The following NOSTRIN variants were observed in gnomAD, a reference collection of about 807,000 sequenced individuals.
NOSTRIN encodes the protein nitric oxide synthase trafficking.
Under a neutral mutation model 59.0 loss-of-function variants are expected in NOSTRIN, and 63 were observed. That is an observed-to-expected ratio of 1.07 (90% confidence interval 0.87 to 1.32). NOSTRIN has a LOEUF of 1.32. Among genes scored for constraint, NOSTRIN ranks in the 40% most tolerant of loss-of-function variants. The pLI is 0.00. For missense variants in NOSTRIN, 512 were observed against 473.1 expected, an observed-to-expected ratio of 1.08 and a Z score of -0.76; for synonymous variants, 200 against 165.4, an observed-to-expected ratio of 1.21 and a Z score of -1.61.
upstream of NOSTRIN, among the ~76,000 whole-genome samples, chr2:168,794,759 C>T (rs997163064): frequency 3.3e-5 from 5 of 152,012 alleles, no homozygotes; most frequent in African/African-American, 1.2e-4. Flanking sequence ...AAAAAATTAA[C>T]ATATACTTTT....
At chr2:168,790,759 A>G (rs1685326199) in intron 2 of NOSTRIN, among the ~76,000 whole-genome samples, 1 of 152,162 alleles carries the variant, frequency 6.6e-6, no homozygotes, top group Non-Finnish European at 1.5e-5. Flanking sequence ...GGTGGAACTC[A>G]GGGTTAGATA....
Position 168,864,992 on chromosome 2 carries a change from C to T in NOSTRIN, c.*22C>T. On this transcript the variant is annotated 3_prime_UTR_variant, in exon 16 of 16. Transcript: ENST00000317647. ...ATAAAACAAGACTCTGAACATACTA[C>T]CTTCACACTCGGTAATCAACAATAC... is the stretch of plus-strand genomic sequence containing the variant. 1 of 1,612,388 alleles carries T rather than the reference C, an allele frequency of 6.2e-7. No homozygotes were observed. Among genetic ancestry groups the T allele is most frequent in the Non-Finnish European group, 8.5e-7 (1 of 1,179,244 alleles).
At chr2:168,796,916 G>A (rs1215019509), upstream of NOSTRIN, among the ~76,000 whole-genome samples, 22 of 152,082 alleles carry the variant, frequency 1.4e-4, no homozygotes, top group Admixed American at 1.2e-3. Flanking sequence ...AGAAACTTGC[G>A]AATGAAGTCA....
In NOSTRIN at chr2:168,863,746, T is replaced by C; in HGVS notation, c.1385-1088T>C. On this transcript the variant is annotated intron_variant, in intron 15 of 15. Transcript: ENST00000317647. Reference sequence around the variant, plus strand: ...TGTCTTGATCTTAAGAAAAGACTGTTGGTGAGACATACTTATAGCAGCCAA... The same window carrying C: ...TGTCTTGATCTTAAGAAAAGACTGTCGGTGAGACATACTTATAGCAGCCAA... 9 of 750,454 alleles carry C rather than the reference T, an allele frequency of 1.2e-5. No homozygotes were observed. The South Asian group carries it at 5.5e-4, about 46-fold the overall frequency. The allele number at this position is 750,454 out of a possible 1,614,324, so 46.5% of individuals were successfully genotyped here.
At chr2:168,808,710 T>C (rs1350645799) in intron 1 of NOSTRIN, among the ~76,000 whole-genome samples, 1 of 152,216 alleles carries the variant, frequency 6.6e-6, no homozygotes. Context: ...AAATAAAATT[T>C]GAACAAATGC....
intron 7 of NOSTRIN, among the ~76,000 whole-genome samples, chr2:168,840,727 A>G (rs549223182): frequency 3.9e-5 from 6 of 152,116 alleles, no homozygotes; most frequent in Non-Finnish European, 7.3e-5. Context: ...AGTCCATTTT[A>G]ACAGCCTTTG....
chr2:168,848,932 G>A (rs1199360266), intron 8 of NOSTRIN, among the ~76,000 whole-genome samples: 2 of 152,146 alleles, frequency 1.3e-5, no homozygotes, highest in Non-Finnish European at 2.9e-5. Flanking sequence ...GGATAAAATG[G>A]CATGTCATAT....
intron 2 of NOSTRIN, chr2:168,818,229 C>A: frequency 2.3e-6 from 1 of 434,654 alleles, no homozygotes; most frequent in Non-Finnish European, 4.7e-6. Context: ...TTATAGCTTG[C>A]TGCAGCCTCA....
At chr2:168,804,213 C>A (rs1207743479) in intron 1 of NOSTRIN, among the ~76,000 whole-genome samples, 2 of 152,172 alleles carry the variant, frequency 1.3e-5, no homozygotes, top group African/African-American at 2.4e-5. Flanking sequence ...CCAAGGCAAC[C>A]CATAACCACA....
intron 7 of NOSTRIN, among the ~76,000 whole-genome samples, chr2:168,840,315 G>C (rs1290953030): frequency 1.3e-5 from 2 of 152,082 alleles, no homozygotes; most frequent in Non-Finnish European, 2.9e-5. Context: ...CGGATCACGA[G>C]GTCAGGAGAT....
At chr2:168,824,795 G>GTTTGTTTTTTA in intron 3 of NOSTRIN, 78 bp downstream of exon 3, 1 of 311,140 alleles carries the variant, frequency 3.2e-6, no homozygotes. Flanking sequence ...TTTGTTTTTT[G>GTTTGTTTTTTA]AGACAGGGTC....
intron 1 of NOSTRIN, among the ~76,000 whole-genome samples, chr2:168,804,293 A>G (rs943941259): frequency 6.6e-6 from 1 of 151,650 alleles, no homozygotes; most frequent in Non-Finnish European, 1.5e-5. Context: ...TGGGCCAAGG[A>G]CTCCTGTCCT....
intron 5 of NOSTRIN, among the ~76,000 whole-genome samples, chr2:168,830,449 A>G (rs1306105147): frequency 1.3e-5 from 2 of 152,230 alleles, no homozygotes; most frequent in African/African-American, 2.4e-5. Flanking sequence ...GGCATAGTAC[A>G]TGAAATATTT....
chr2:168,858,818 G>A (rs1462356165), intron 12 of NOSTRIN, among the ~76,000 whole-genome samples: 2 of 152,122 alleles, frequency 1.3e-5, no homozygotes, highest in African/African-American at 2.4e-5. Flanking sequence ...TGGTGAGGAG[G>A]GGGCTGGATA....
intron 11 of NOSTRIN, 115 bp from the exon 12 acceptor site, chr2:168,856,574 TA>T (rs11385898): frequency 6.7e-3 from 4,788 of 712,380 alleles, no homozygotes; most frequent in Non-Finnish European, 7.7e-3. Context: ...GACTCCGTCT[TA>T]AAAAAAAAAA....
At chr2:168,849,984 C>T (rs188431645) in intron 8 of NOSTRIN, among the ~76,000 whole-genome samples, 42 of 149,272 alleles carry the variant, frequency 2.8e-4, no homozygotes, top group Admixed American at 1.5e-3. Flanking sequence ...AGCATGATCT[C>T]GGCTCACTGC....
intron 2 of NOSTRIN, among the ~76,000 whole-genome samples, chr2:168,791,699 T>C (rs926948532): frequency 2.6e-5 from 4 of 152,202 alleles, no homozygotes; most frequent in Non-Finnish European, 5.9e-5. Flanking sequence ...TGGTGTGAGA[T>C]GGTATCTCAT....
intron 12 of NOSTRIN, among the ~76,000 whole-genome samples, chr2:168,858,410 G>A (rs946085051): frequency 1.3e-5 from 2 of 152,226 alleles, no homozygotes; most frequent in South Asian, 4.1e-4. Flanking sequence ...CTAGGATGAG[G>A]AAACTTTTAT....
intron 8 of NOSTRIN, among the ~76,000 whole-genome samples, chr2:168,849,678 A>AG (rs1457908730): frequency 2.7e-5 from 4 of 150,586 alleles, no homozygotes; most frequent in Non-Finnish European, 5.9e-5. Context: ...TACAAAAAAA[A>AG]AAAAAAAAAA....
Sources: gnomAD v4.1 joint callset for allele counts (sites outside exome capture counted in the v4.1 genomes callset) on GRCh38, gnomAD v4.1.1 for gene constraint, MANE v1.5 for transcripts, NCBI Gene and HGNC (gene_info 2026-07-23, HGNC 2026-07-21) for gene names.